The following RANBP17 variants were observed in gnomAD, a reference collection of about 807,000 sequenced individuals.
The protein encoded by RANBP17 is ran-binding protein 17.
In RANBP17, 158 loss-of-function variants were observed where a neutral mutation model predicts 141.2. That is an observed-to-expected ratio of 1.12 (90% CI 0.98 to 1.28). The LOEUF is 1.28. Among genes scored for constraint, RANBP17 ranks in the 50% most tolerant of loss-of-function variants. RANBP17 has a pLI of 0.00. For synonymous variants in RANBP17, 430 were observed against 450.0 expected (o/e 0.96, Z 0.56); for missense variants, 1,438 against 1,290.7 (o/e 1.11, Z -1.75).
intron 3 of RANBP17, among the ~76,000 whole-genome samples, chr5:170,889,553 A>G (rs758764681): frequency 4.8e-4 from 73 of 152,190 alleles, no homozygotes; most frequent in Admixed American, 4.1e-3. Flanking sequence ...ATAAGACAGA[A>G]TAATAGTAAT....
chr5:171,078,134 CT>C (rs11331471), intron 14 of RANBP17, among the ~76,000 whole-genome samples: 68,542 of 122,404 alleles, frequency 0.56, 17,377 homozygotes, highest in South Asian at 0.8. Flanking sequence ...TCTTTTCTTT[CT>C]TTTTTTTTTT....
chr5:170,922,603 G>C (rs1195825764), intron 11 of RANBP17, among the ~76,000 whole-genome samples: 2 of 152,186 alleles, frequency 1.3e-5, no homozygotes, highest in Non-Finnish European at 2.9e-5. Context: ...TTACGGCTCC[G>C]TGGGCGTGGG....
chr5:171,238,546 C>T (rs1048489271), intron 22 of RANBP17, among the ~76,000 whole-genome samples: 4 of 152,132 alleles, frequency 2.6e-5, no homozygotes, highest in Non-Finnish European at 1.5e-5. Context: ...CTCACTTTTA[C>T]CCTGGCCTTC....
intron 14 of RANBP17, among the ~76,000 whole-genome samples, chr5:170,997,657 A>G (rs1196452895): frequency 1.1e-4 from 16 of 152,232 alleles, no homozygotes; most frequent in African/African-American, 4.8e-5. Flanking sequence ...AAAAGCGTAT[A>G]CTAATCCAGT....
chr5:171,059,371 T>C (rs537646820), intron 14 of RANBP17, among the ~76,000 whole-genome samples: 1 of 152,370 alleles, frequency 6.6e-6, no homozygotes, highest in African/African-American at 2.4e-5. Context: ...CAGTTTCAGC[T>C]TTCTACATAT....
chr5:170,991,368 CAA>C (rs922538037), intron 14 of RANBP17, among the ~76,000 whole-genome samples: 2 of 151,890 alleles, frequency 1.3e-5, no homozygotes, highest in African/African-American at 4.8e-5. Flanking sequence ...TATAATAAGA[CAA>C]TGATGATTAT....
chr5:170,869,758 A>AT (rs909729051), intron 1 of RANBP17, among the ~76,000 whole-genome samples: 39 of 152,156 alleles, frequency 2.6e-4, no homozygotes, highest in African/African-American at 8.4e-4. Flanking sequence ...AAGATTCTTA[A>AT]TTAAGGATTT....
chr5:171,274,163 C>A (rs1053312613), intron 25 of RANBP17, among the ~76,000 whole-genome samples: 1 of 141,624 alleles, frequency 7.1e-6, no homozygotes, highest in African/African-American at 2.5e-5. Context: ...CGCGCGCGCG[C>A]GTGCGCAAAA....
chr5:170,910,088 TA>T (rs1296801987), intron 6 of RANBP17: 2 of 174,888 alleles, frequency 1.1e-5, no homozygotes, highest in Non-Finnish European at 1.2e-5. Context: ...TATATTTTGA[TA>T]GGATGCAGAT....
At chr5:170,973,008 C>A (rs1777102044) in intron 14 of RANBP17, among the ~76,000 whole-genome samples, 1 of 152,050 alleles carries the variant, frequency 6.6e-6, no homozygotes, top group Non-Finnish European at 1.5e-5. Context: ...TCTTTTCATT[C>A]CACTTTATGA....
chr5:171,222,972 T>C (rs1250928124), intron 22 of RANBP17, among the ~76,000 whole-genome samples: 4 of 152,138 alleles, frequency 2.6e-5, no homozygotes, highest in Non-Finnish European at 5.9e-5. Context: ...TGTACAAAAT[T>C]TTGTAAAATC....
chr5:171,085,279 G>A (rs1157378461), intron 14 of RANBP17, among the ~76,000 whole-genome samples: 1 of 143,718 alleles, frequency 7.0e-6, no homozygotes, highest in Non-Finnish European at 1.5e-5. Context: ...TTGTAGATAT[G>A]CAGCGTTATT....
chr5:171,022,453 C>T (rs113253601), intron 14 of RANBP17, among the ~76,000 whole-genome samples: 3,946 of 152,274 alleles, frequency 0.026, 154 homozygotes, highest in African/African-American at 0.089. Flanking sequence ...GGGCTCAGGC[C>T]CAGGGAGATC....
At chr5:171,294,058 T>A in intron 26 of RANBP17, 77 bp downstream of exon 26, 1 of 1,086,552 alleles carries the variant, frequency 9.2e-7, no homozygotes. Context: ...TGAGCTGTGA[T>A]GACGAAGGAC....
chr5:171,195,385 ATGT>A (rs1281731238), intron 18 of RANBP17, among the ~76,000 whole-genome samples: 4 of 152,248 alleles, frequency 2.6e-5, no homozygotes, highest in Non-Finnish European at 5.9e-5. Flanking sequence ...TCTAATAGTA[ATGT>A]TGTAAAAGTT....
intron 14 of RANBP17, among the ~76,000 whole-genome samples, chr5:171,105,987 T>G (rs1754802412): frequency 6.6e-6 from 1 of 152,254 alleles, no homozygotes; most frequent in Non-Finnish European, 1.5e-5. Flanking sequence ...GGTAAATTGT[T>G]CTACACATTA....
At chr5:171,219,710 A>C (rs1356331144) in intron 21 of RANBP17, among the ~76,000 whole-genome samples, 2 of 151,678 alleles carry the variant, frequency 1.3e-5, no homozygotes, top group Non-Finnish European at 2.9e-5. Context: ...TATGCTTCAC[A>C]AAGTTCTCAT....
intron 22 of RANBP17, among the ~76,000 whole-genome samples, chr5:171,224,832 T>G (rs1763795513): frequency 6.6e-6 from 1 of 152,206 alleles, no homozygotes; most frequent in Non-Finnish European, 1.5e-5. Flanking sequence ...GTTATAAGCT[T>G]TTATAGTCCT....
intron 14 of RANBP17, among the ~76,000 whole-genome samples, chr5:171,119,780 C>G (rs1755889162): frequency 6.6e-6 from 1 of 152,120 alleles, no homozygotes; most frequent in African/African-American, 2.4e-5. Context: ...TGGCTTACAC[C>G]TGTAATCCCA....
Sources: gnomAD v4.1 joint callset for allele counts (sites outside exome capture counted in the v4.1 genomes callset) on GRCh38, gnomAD v4.1.1 for gene constraint, MANE v1.5 for transcripts, NCBI Gene and HGNC (gene_info 2026-07-23, HGNC 2026-07-21) for gene names.